Variants in NEK1 observed in about 807,000 individuals in gnomAD.
NEK1 encodes NIMA related kinase 1.
NEK1 carries 137 observed loss-of-function variants against 182.1 expected under a neutral mutation model. The ratio of observed to expected loss-of-function variants is 0.75; its 90% CI spans 0.65 to 0.87. The LOEUF (loss-of-function observed/expected upper bound fraction) is 0.87. Ranked by LOEUF, NEK1 falls within the 40% of genes least tolerant of loss-of-function variation. The pLI is 0.00. For missense variants in NEK1, 1,391 were observed against 1,494.4 expected, an observed-to-expected ratio of 0.93 and a Z score of 1.14; for synonymous variants, 513 against 492.2, an observed-to-expected ratio of 1.04 and a Z score of -0.56.
Position 169,500,168 on chromosome 4 carries a change from C to G in NEK1, c.2007+6869G>C, listed in dbSNP as rs552841934. 3.9e-5 allele frequency among the ~76,000 whole-genome samples: 6 copies of G among 152,178 alleles called. 1 individual carries two copies. The South Asian group carries it at 1.2e-3, about 32-fold the overall frequency. On this transcript the variant is annotated intron_variant, in intron 23 of 35. Coordinates refer to ENST00000507142, the MANE Select transcript of NEK1 (RefSeq NM_001199397.3). The stretch of plus-strand genomic sequence containing the variant: ...CTCAGACTGCTGTGCTAGCAATGAG[C>G]GAGGCTCCGTGGGCATAGGACCCTC...
intron 16 of NEK1, among the ~76,000 whole-genome samples, chr4:169,557,859 A>G (rs1463075297): frequency 6.6e-6 from 1 of 152,182 alleles, no homozygotes; most frequent in Non-Finnish European, 1.5e-5. Context: ...TGAACTCAGG[A>G]GGTCAAGGCT....
In NEK1 at chr4:169,572,484, T is replaced by C. The variant is rs1057492491; in HGVS notation, c.1020+4444A>G. On this transcript the variant is annotated intron_variant, in intron 12 of 35. Coordinates refer to ENST00000507142, the MANE Select transcript of NEK1 (RefSeq NM_001199397.3). ...CTATTAGAAACACAGCTGGAGATGT[T>C]AAGACAGGTATCAGTCTCCAGTTCA... Among the ~76,000 whole-genome samples the C allele has an allele frequency of 2.0e-5, 3 of 152,130 alleles. No individual in the cohort carries two copies. The East Asian group carries it at 5.8e-4, about 29-fold the overall frequency.
At chr4:169,549,912 G>A (rs1761159343) in intron 18 of NEK1, among the ~76,000 whole-genome samples, 1 of 152,044 alleles carries the variant, frequency 6.6e-6, no homozygotes, top group South Asian at 2.1e-4. Context: ...TAGTAGAGAT[G>A]GGGTTTCACC....
rs749195740 is a variant in NEK1, at chr4:169,394,487, A to T, written c.*23T>A. ...AAATTCAAATGCTTTCATATAGTTG[A>T]GGATTAAAAAACATTTTGAGGATTA... On this transcript the variant is annotated 3_prime_UTR_variant, in exon 36 of 36. Coordinates refer to ENST00000507142, the MANE Select transcript of NEK1 (RefSeq NM_001199397.3). 1 of 1,359,500 alleles carries T rather than the reference A, an allele frequency of 7.4e-7. No homozygotes were observed. The highest frequency in any genetic ancestry group is 1.0e-6 in the Non-Finnish European group (1 of 972,004). 84.2% of individuals were successfully genotyped at this position (1,359,500 alleles called of 1,614,324 possible).
At chr4:169,513,910 A>G (rs545818590) in intron 19 of NEK1, among the ~76,000 whole-genome samples, 1 of 152,210 alleles carries the variant, frequency 6.6e-6, no homozygotes, top group South Asian at 2.1e-4. Context: ...CATCTAGACT[A>G]AATTCCACTT....
chr4:169,429,016 G>A (rs1736930890), intron 29 of NEK1, among the ~76,000 whole-genome samples: 2 of 152,036 alleles, frequency 1.3e-5, no homozygotes, highest in African/African-American at 2.4e-5. Flanking sequence ...TGAACTTCAT[G>A]CATCTACTTA....
At position 169,561,906 on chromosome 4, in the gene NEK1, A is replaced by G; in HGVS notation, c.1081-15T>C. On this transcript the variant is annotated splice_polypyrimidine_tract_variant and intron_variant, in intron 13 of 35. Coordinates refer to ENST00000507142, the MANE Select transcript of NEK1 (RefSeq NM_001199397.3). ...CTTGCTGCTTCCTTAAATAAAAAAA[A>G]GAACATTTTAATCCATAATAATTCC... 6.3e-7 allele frequency: 1 copy of G among 1,588,680 alleles called. No individual in the cohort carries two copies. The highest frequency in any genetic ancestry group is 8.6e-7 in the Non-Finnish European group (1 of 1,166,636).
chr4:169,589,547 A>T, intron 6 of NEK1, 33 bp from the exon 7 acceptor site: 1 of 1,298,602 alleles, frequency 7.7e-7, no homozygotes, highest in South Asian at 1.4e-5. Flanking sequence ...AAACCCTAGA[A>T]ATATTGTTAC....
At chr4:169,547,359 C>T (rs185729220) in intron 18 of NEK1, among the ~76,000 whole-genome samples, 1 of 152,178 alleles carries the variant, frequency 6.6e-6, no homozygotes, top group Non-Finnish European at 1.5e-5. Context: ...GTCCGATGGG[C>T]TTCCCTTTAC....
intron 35 of NEK1, among the ~76,000 whole-genome samples, chr4:169,397,096 C>T (rs796251423): frequency 6.0e-4 from 91 of 152,170 alleles, no homozygotes; most frequent in African/African-American, 2.0e-3. Flanking sequence ...TGGTAGCTCA[C>T]GCCAGTAGTA....
intron 19 of NEK1, 30 bp downstream of exon 19, chr4:169,537,779 C>T: frequency 6.5e-7 from 1 of 1,537,848 alleles, no homozygotes. Context: ...CTAATACATT[C>T]AAAATCTCAG....
At chr4:169,503,525 T>C (rs1216884196) in intron 23 of NEK1, among the ~76,000 whole-genome samples, 3 of 152,028 alleles carry the variant, frequency 2.0e-5, no homozygotes, top group East Asian at 3.9e-4. Flanking sequence ...AACAGGCACA[T>C]AGAACAGTGG....
intron 31 of NEK1, among the ~76,000 whole-genome samples, chr4:169,407,112 G>A (rs1483604009): frequency 6.6e-6 from 1 of 152,124 alleles, no homozygotes; most frequent in Admixed American, 6.6e-5. Flanking sequence ...AATGGACTTG[G>A]AAATCTGTCA....
chr4:169,559,086 C>G (rs1407381825), intron 16 of NEK1, among the ~76,000 whole-genome samples: 1 of 152,074 alleles, frequency 6.6e-6, no homozygotes, highest in East Asian at 1.9e-4. Flanking sequence ...GAAAGCATTA[C>G]AGAAGTTTAT....
chr4:169,570,277 G>A (rs1764516443), intron 12 of NEK1, among the ~76,000 whole-genome samples: 2 of 151,878 alleles, frequency 1.3e-5, no homozygotes, highest in Admixed American at 1.3e-4. Flanking sequence ...TCTGAGAAGT[G>A]AGGAGCCCCT....
chr4:169,477,576 A>C, intron 24 of NEK1, 79 bp from the exon 25 acceptor site: 1 of 1,090,258 alleles, frequency 9.2e-7, no homozygotes, highest in Admixed American at 2.7e-5. Flanking sequence ...CATCCTCGTT[A>C]CTTTTTGGTT....
chr4:169,538,128 C>CT (rs1220457616), intron 18 of NEK1, among the ~76,000 whole-genome samples: 4 of 152,008 alleles, frequency 2.6e-5, no homozygotes. Context: ...TAATTCTACT[C>CT]TAAGTCTTCA....
Position 169,529,930 on chromosome 4 carries a change from G to T in NEK1, c.1665+7879C>A, listed in dbSNP as rs78807372. ...TGAGGATGCAGAGCAACTGGAATTCGAGTACAATGCTGATGGGAATGCAAA... is the reference window on the plus strand; with the variant it reads ...TGAGGATGCAGAGCAACTGGAATTCTAGTACAATGCTGATGGGAATGCAAA... On this transcript the variant is annotated intron_variant, in intron 19 of 35. Coordinates refer to ENST00000507142, the MANE Select transcript of NEK1 (RefSeq NM_001199397.3). Among the ~76,000 whole-genome samples, 575 of 152,208 alleles carry T rather than the reference G, an allele frequency of 3.8e-3. 2 individuals carry two copies. Among genetic ancestry groups the T allele is most frequent in the African/African-American group, 0.013 (555 of 41,550 alleles).
chr4:169,474,059 A>T (rs1348183395), intron 26 of NEK1, among the ~76,000 whole-genome samples: 2 of 152,138 alleles, frequency 1.3e-5, no homozygotes, highest in Admixed American at 1.3e-4. Flanking sequence ...ATGGGGTGAT[A>T]GCTAAAGAAC....
Sources: allele counts gnomAD v4.1 joint callset (sites outside exome capture counted in the v4.1 genomes callset), GRCh38; gene constraint gnomAD v4.1.1; transcripts MANE v1.5; gene names NCBI Gene and HGNC (gene_info 2026-07-23, HGNC 2026-07-21).